Variants in CERT1 observed in about 807,000 individuals in gnomAD.
CERT1 encodes ceramide transfer protein.
A neutral mutation model predicts 87.9 loss-of-function variants in CERT1; 31 were observed. That is an observed-to-expected ratio of 0.35 (90% CI 0.27 to 0.48). CERT1 has a LOEUF of 0.48. Among genes scored for constraint, CERT1 ranks in the 20% least tolerant of loss-of-function variants. The pLI is 0.99. For missense variants in CERT1, 487 were observed against 758.0 expected (o/e 0.64, Z 4.20); for synonymous variants, 289 against 250.9 (o/e 1.15, Z -1.44).
upstream of CERT1, chr5:75,511,645 G>A (rs1265681665): frequency 2.3e-5 from 35 of 1,503,546 alleles, no homozygotes; most frequent in East Asian, 8.6e-4. Context: ...CCCCTCCCCT[G>A]TCCTTTCCCC....
At chr5:75,420,519 A>G (rs930281459) in intron 5 of CERT1, among the ~76,000 whole-genome samples, 4 of 151,630 alleles carry the variant, frequency 2.6e-5, no homozygotes, top group Admixed American at 2.6e-4. Context: ...AATTTTTTGT[A>G]TTTTTAGTAG....
intron 3 of CERT1, among the ~76,000 whole-genome samples, chr5:75,455,357 A>G (rs1322499635): frequency 6.6e-6 from 1 of 152,228 alleles, no homozygotes; most frequent in African/African-American, 2.4e-5. Flanking sequence ...AATGCTTTCC[A>G]AGAGTTTGTA....
chr5:75,376,572 C>G (rs1392142193), downstream of CERT1: 2 of 152,080 alleles, frequency 1.3e-5, no homozygotes, highest in South Asian at 4.1e-4. Flanking sequence ...GACTCAGAAT[C>G]GATAAGAAGT....
intron 2 of CERT1, among the ~76,000 whole-genome samples, chr5:75,498,965 G>C (rs1767210996): frequency 6.6e-6 from 1 of 152,240 alleles, no homozygotes; most frequent in South Asian, 2.1e-4. Flanking sequence ...CAGGGACGGA[G>C]CTGCCCAAGG....
intron 3 of CERT1, among the ~76,000 whole-genome samples, chr5:75,432,430 G>A (rs987556801): frequency 6.6e-6 from 1 of 152,162 alleles, no homozygotes; most frequent in African/African-American, 2.4e-5. Flanking sequence ...TCTGATTGGT[G>A]AGATGGTTCT....
intron 3 of CERT1, among the ~76,000 whole-genome samples, chr5:75,436,157 C>T (rs780835958): frequency 2.0e-5 from 3 of 152,174 alleles, no homozygotes; most frequent in Admixed American, 6.5e-5. Context: ...CTCGGCCTCC[C>T]GAGTAGCTGG....
At chr5:75,486,167 A>T (rs1766515000) in intron 2 of CERT1, among the ~76,000 whole-genome samples, 1 of 152,110 alleles carries the variant, frequency 6.6e-6, no homozygotes, top group African/African-American at 2.4e-5. Flanking sequence ...GACCACATGG[A>T]ATTTATCCCA....
chr5:75,451,334 G>A (rs1321549479), intron 3 of CERT1, among the ~76,000 whole-genome samples: 1 of 152,116 alleles, frequency 6.6e-6, no homozygotes, highest in Non-Finnish European at 1.5e-5. Context: ...GTGATTCTAT[G>A]TACTGATTTT....
chr5:75,377,922 G>A lies in CERT1; in HGVS notation c.*1424C>T, dbSNP rs985912203. On this transcript the variant is annotated 3_prime_UTR_variant, in exon 17 of 17. Transcript: ENST00000643780. ...CCTGCTTCAGCCTCCCAAGTACCTA[G>A]GACTATACATGTATACCACCACGCC... 6.6e-6 allele frequency: 1 copy of A among 152,112 alleles called. No individual in the cohort carries two copies. Among genetic ancestry groups the A allele is most frequent in the African/African-American group, 2.4e-5 (1 of 41,416 alleles). 9.4% of individuals were successfully genotyped at this position (152,112 alleles called of 1,614,324 possible). A position where few individuals can be genotyped will look rare whatever the true frequency, so the allele number is the denominator to read the frequency against.
At chr5:75,476,208 T>C (rs777726194) in intron 2 of CERT1, among the ~76,000 whole-genome samples, 1 of 152,144 alleles carries the variant, frequency 6.6e-6, no homozygotes, top group Non-Finnish European at 1.5e-5. Flanking sequence ...TTTTAAGTTG[T>C]AGATGAATTA....
intron 8 of CERT1, 43 bp downstream of exon 8, chr5:75,410,968 C>CA (rs1169162548): frequency 9.8e-7 from 1 of 1,023,852 alleles, no homozygotes; most frequent in Non-Finnish European, 1.5e-6. Context: ...TTGTGATAGA[C>CA]ATGATCTATG....
chr5:75,460,400 G>A (rs908518332), intron 2 of CERT1, among the ~76,000 whole-genome samples: 2 of 152,158 alleles, frequency 1.3e-5, no homozygotes, highest in African/African-American at 4.8e-5. Flanking sequence ...ATCTACATGA[G>A]CTATCTAGAG....
rs1417953679 is a variant in CERT1 at position 75,381,668 on chromosome 5, T to C, written c.1617+281A>G. ...AGTTGATAACGGCTTAAGAGATAACTGTGGGAAGTAGCCTACTGCCCAGTG... is the reference window on the plus strand; with the variant it reads ...AGTTGATAACGGCTTAAGAGATAACCGTGGGAAGTAGCCTACTGCCCAGTG... On this transcript the variant is annotated intron_variant, in intron 15 of 16. Coordinates refer to ENST00000643780, the MANE Select transcript of CERT1 (RefSeq NM_001379029.1). Among the ~76,000 whole-genome samples the C allele has an allele frequency of 2.6e-5, 4 of 152,216 alleles. No homozygotes were observed. In the East Asian group the frequency reaches 5.8e-4, roughly 22 times the overall value.
At chr5:75,413,465 C>T (rs142920780) in intron 7 of CERT1, among the ~76,000 whole-genome samples, 4 of 152,202 alleles carry the variant, frequency 2.6e-5, no homozygotes, top group African/African-American at 4.8e-5. Context: ...ATGACTAAGC[C>T]AGGTGCAGTG....
chr5:75,373,882 G>C (rs1761175809), downstream of CERT1: 3 of 391,036 alleles, frequency 7.7e-6, no homozygotes, highest in Middle Eastern at 1.3e-3. Context: ...AAAAATTAAA[G>C]CATCAATTCC....
intron 1 of CERT1, 149 bp downstream of exon 1, chr5:75,510,963 C>G (rs1365751818): frequency 8.8e-7 from 1 of 1,135,576 alleles, no homozygotes; most frequent in African/African-American, 1.6e-5. Flanking sequence ...CCCCTATATC[C>G]CCGCCTCATC....
intron 11 of CERT1, among the ~76,000 whole-genome samples, chr5:75,394,799 C>T (rs1406236177): frequency 6.6e-6 from 1 of 152,036 alleles, no homozygotes; most frequent in Non-Finnish European, 1.5e-5. Context: ...CACAATTATG[C>T]TTCTAGGAAT....
At chr5:75,386,112 C>T (rs961886096) in intron 12 of CERT1, 78 bp from the exon 13 acceptor site, 5 of 1,108,112 alleles carry the variant, frequency 4.5e-6, no homozygotes, top group Non-Finnish European at 4.8e-6. Context: ...GCTTTTAATA[C>T]AGCTGCTCTT....
chr5:75,419,580 A>G (rs897296622), intron 5 of CERT1, among the ~76,000 whole-genome samples, 156 bp from the exon 6 acceptor site: 1 of 152,198 alleles, frequency 6.6e-6, no homozygotes, highest in African/African-American at 2.4e-5. Context: ...TATGCTCAAT[A>G]AATATCTACC....
Sources: allele counts gnomAD v4.1 joint callset (sites outside exome capture counted in the v4.1 genomes callset), GRCh38; gene constraint gnomAD v4.1.1; transcripts MANE v1.5; gene names NCBI Gene and HGNC (gene_info 2026-07-23, HGNC 2026-07-21).